MYO1D: variants seen among roughly 807,000 people sequenced by gnomAD.
The protein encoded by MYO1D is myosin ID, also known as unconventional myosin-Id.
In MYO1D, 83 loss-of-function variants were observed where a neutral mutation model predicts 122.0. The observed-to-expected ratio is 0.68, with a 90% CI of 0.57 to 0.82. The LOEUF (loss-of-function observed/expected upper bound fraction) is 0.82. Ranked by LOEUF, MYO1D falls within the 40% of genes least tolerant of loss-of-function variation. The pLI is 0.00. For missense variants in MYO1D, 1,157 were observed against 1,269.5 expected, an observed-to-expected ratio of 0.91 and a Z score of 1.35; for synonymous variants, 464 against 446.9, an observed-to-expected ratio of 1.04 and a Z score of -0.48.
Position 32,584,024 on chromosome 17 carries a change from G to A in MYO1D, c.2864+21063C>T, listed in dbSNP as rs529225736. 6.6e-5 allele frequency among the ~76,000 whole-genome samples: 10 copies of A among 151,978 alleles called. 1 individual carries two copies. The highest frequency in any genetic ancestry group is 1.9e-4 in the East Asian group (1 of 5,176). On this transcript the variant is annotated intron_variant, in intron 21 of 21. Transcript: ENST00000318217. ...TCTGTGGCAGTTCTGGGCTGCCCTC[G>A]AACTCCTGGGCTCAAGTGATCCCCC...
intron 16 of MYO1D, among the ~76,000 whole-genome samples, chr17:32,706,434 G>A (rs558044817): frequency 5.9e-5 from 9 of 152,128 alleles, no homozygotes; most frequent in Non-Finnish European, 2.9e-5. Context: ...CACAGAAAAG[G>A]TATGAAAATA....
At chr17:32,683,946 G>A (rs1023046817) in intron 16 of MYO1D, among the ~76,000 whole-genome samples, 14 of 152,286 alleles carry the variant, frequency 9.2e-5, no homozygotes, top group African/African-American at 3.1e-4. Context: ...ATATAGTCTC[G>A]TGGTGCGCCG....
At chr17:32,509,881 T>C (rs1260215499) in intron 21 of MYO1D, 1 of 152,228 alleles carries the variant, frequency 6.6e-6, no homozygotes, top group Non-Finnish European at 1.5e-5. Flanking sequence ...GTGAAATATA[T>C]GGGCCTGGAG....
chr17:32,773,402 C>T (rs1031928805), intron 4 of MYO1D, among the ~76,000 whole-genome samples: 3 of 152,128 alleles, frequency 2.0e-5, no homozygotes, highest in Admixed American at 6.5e-5. Context: ...ACTGCAGGGA[C>T]GCCTGCCTGA....
At chr17:32,533,801 A>G (rs1313895275) in intron 21 of MYO1D, among the ~76,000 whole-genome samples, 1 of 152,138 alleles carries the variant, frequency 6.6e-6, no homozygotes, top group Non-Finnish European at 1.5e-5. Context: ...CTTTGCCCGT[A>G]CCCTATTTGA....
intron 16 of MYO1D, among the ~76,000 whole-genome samples, chr17:32,675,862 C>T (rs2088800776): frequency 6.6e-6 from 1 of 152,014 alleles, no homozygotes; most frequent in African/African-American, 2.4e-5. Context: ...TTCTTTTATG[C>T]CTGTGTACAT....
rs183104015 is a variant in MYO1D, at chr17:32,758,068, T to C, written c.1296+2222A>G. 1.3e-3 allele frequency among the ~76,000 whole-genome samples: 201 copies of C among 152,146 alleles called. 1 individual carries two copies. Among genetic ancestry groups the C allele is most frequent in the Non-Finnish European group, 1.4e-3 (94 of 67,984 alleles). Reference sequence around the variant, plus strand: ...CACACACAGTCTATGAAATGGGCTGTGGAAAAAAACTGACTCTGAATCCAG... The same window carrying C: ...CACACACAGTCTATGAAATGGGCTGCGGAAAAAAACTGACTCTGAATCCAG... On this transcript the variant is annotated intron_variant, in intron 10 of 21. Transcript: ENST00000318217.
chr17:32,845,936 GA>G (rs939772143), intron 1 of MYO1D, among the ~76,000 whole-genome samples: 18 of 151,012 alleles, frequency 1.2e-4, no homozygotes, highest in African/African-American at 4.4e-4. Flanking sequence ...AAATACTGTA[GA>G]GGAAAAAAAA....
chr17:32,574,377 G>A (rs1268701615), intron 21 of MYO1D, among the ~76,000 whole-genome samples: 3 of 152,078 alleles, frequency 2.0e-5, no homozygotes, highest in Admixed American at 1.3e-4. Context: ...TTTAAATTAA[G>A]TGGGTTAGTC....
At position 32,787,015 on chromosome 17, in the gene MYO1D, CA is replaced by C. The variant is rs200296900; in HGVS notation, c.96-6232del. Among the ~76,000 whole-genome samples the C allele has an allele frequency of 2.0e-4, 29 of 146,848 alleles. No individual in the cohort carries two copies. The East Asian group carries it at 3.4e-3, about 17-fold the overall frequency. ...ACATTCTGTATGAAAGCAAAGAATA[CA>C]AAAAAAAATGTAGCTCTCTAAAATA... On this transcript the variant is annotated intron_variant, in intron 1 of 21. Coordinates refer to ENST00000318217, the MANE Select transcript of MYO1D (RefSeq NM_015194.3).
chr17:32,806,152 G>A lies in MYO1D; in HGVS notation c.96-25368C>T, dbSNP rs57079541. 3.9e-5 allele frequency among the ~76,000 whole-genome samples: 6 copies of A among 152,188 alleles called. 1 individual carries two copies. In the East Asian group the frequency reaches 9.7e-4, roughly 25 times the overall value. On this transcript the variant is annotated intron_variant, in intron 1 of 21. Transcript: ENST00000318217. ...CACACGCCTGTGGTTCCAGCTACTC[G>A]GGAGGTTGAGCAGAAGAATCACTTG...
intron 21 of MYO1D, among the ~76,000 whole-genome samples, chr17:32,499,900 C>CT (rs1232570587): frequency 6.6e-6 from 1 of 151,732 alleles, no homozygotes; most frequent in Non-Finnish European, 1.5e-5. Flanking sequence ...GAGGCGGAGG[C>CT]TGCAGTGAGC....
At chr17:32,751,660 C>G (rs1485379393) in intron 11 of MYO1D, among the ~76,000 whole-genome samples, 1 of 152,050 alleles carries the variant, frequency 6.6e-6, no homozygotes, top group Non-Finnish European at 1.5e-5. Flanking sequence ...GAACTCAATC[C>G]CATTTACAAT....
intron 1 of MYO1D, among the ~76,000 whole-genome samples, chr17:32,850,418 G>T (rs977975463): frequency 6.6e-6 from 1 of 152,084 alleles, no homozygotes; most frequent in African/African-American, 2.4e-5. Context: ...CTTTCACCAT[G>T]GGTACAACAA....
intron 1 of MYO1D, among the ~76,000 whole-genome samples, chr17:32,845,742 G>C (rs889123472): frequency 6.6e-6 from 1 of 152,214 alleles, no homozygotes; most frequent in Non-Finnish European, 1.5e-5. Flanking sequence ...ATTGCCACAG[G>C]TGGCTCGTGG....
At chr17:32,560,680 C>T (rs2087117059) in intron 21 of MYO1D, among the ~76,000 whole-genome samples, 1 of 149,292 alleles carries the variant, frequency 6.7e-6, no homozygotes, top group African/African-American at 2.5e-5. Flanking sequence ...AGGGCAGTTG[C>T]AAAATCTCAA....
At chr17:32,693,141 T>A (rs1446599464) in intron 16 of MYO1D, among the ~76,000 whole-genome samples, 2 of 152,230 alleles carry the variant, frequency 1.3e-5, no homozygotes, top group Non-Finnish European at 2.9e-5. Flanking sequence ...TAATTTAATT[T>A]AAGCATCTAT....
chr17:32,782,285 G>A (rs752431635), intron 1 of MYO1D, among the ~76,000 whole-genome samples: 1 of 152,068 alleles, frequency 6.6e-6, no homozygotes, highest in Admixed American at 6.6e-5. Flanking sequence ...TTCTACTATG[G>A]GTTTTCTATG....
At chr17:32,639,878 A>G (rs1186571534) in intron 19 of MYO1D, among the ~76,000 whole-genome samples, 1 of 152,202 alleles carries the variant, frequency 6.6e-6, no homozygotes, top group African/African-American at 2.4e-5. Flanking sequence ...CCCTCCTTCA[A>G]ATTCTTATTT....
Sources: allele counts gnomAD v4.1 joint callset (sites outside exome capture counted in the v4.1 genomes callset), GRCh38; gene constraint gnomAD v4.1.1; transcripts MANE v1.5; gene names NCBI Gene and HGNC (gene_info 2026-07-23, HGNC 2026-07-21).